Variants in WDR27 observed in about 807,000 individuals in gnomAD.
WDR27 encodes WD repeat domain 27.
WDR27 carries 100 observed loss-of-function variants against 114.4 expected under a neutral mutation model. That is an observed-to-expected ratio of 0.87 (90% CI 0.74 to 1.03). WDR27 has a LOEUF of 1.03. Ranked by LOEUF, WDR27 falls within the 50% of genes least tolerant of loss-of-function variation. The pLI, the probability that WDR27 is intolerant of heterozygous loss-of-function variation, is 0.00. For synonymous variants in WDR27, 449 were observed against 423.1 expected, an observed-to-expected ratio of 1.06 and a Z score of -0.75; for missense variants, 1,129 against 1,092.9, an observed-to-expected ratio of 1.03 and a Z score of -0.47.
intron 25 of WDR27, among the ~76,000 whole-genome samples, chr6:169,512,238 T>A (rs934909608): frequency 3.3e-5 from 5 of 152,186 alleles, no homozygotes; most frequent in African/African-American, 9.6e-5. Flanking sequence ...TACCTAGATG[T>A]CTTGGAAATG....
At position 169,701,843 on chromosome 6, in the gene WDR27, C is replaced by T. The variant is rs1294442818; in HGVS notation, c.-300G>A. 4.0e-5 allele frequency: 13 copies of T among 322,326 alleles called. No homozygotes were observed. Among genetic ancestry groups the T allele is most frequent in the Non-Finnish European group, 6.6e-5 (11 of 165,796 alleles). The allele number at this position is 322,326 out of a possible 1,614,324, so 20.0% of individuals were successfully genotyped here. A position where few individuals can be genotyped will look rare whatever the true frequency, so the allele number is the denominator to read the frequency against. On this transcript the variant is annotated 5_prime_UTR_variant, in exon 1 of 26. Coordinates refer to ENST00000448612, the MANE Select transcript of WDR27 (RefSeq NM_182552.5). The stretch of plus-strand genomic sequence containing the variant: ...GCAGCCCCCGCGCTCCAGCCCTGCG[C>T]CCTAGGCACACGCCCCAGAGCAGCA...
At chr6:169,699,698 C>A (rs900506350) in intron 1 of WDR27, among the ~76,000 whole-genome samples, 1 of 152,100 alleles carries the variant, frequency 6.6e-6, no homozygotes, top group Non-Finnish European at 1.5e-5. Context: ...CCTCAGCAAA[C>A]AAGCCAGGCA....
Position 169,602,232 on chromosome 6 carries a change from G to A in WDR27, c.2411C>T (p.Ala804Val), listed in dbSNP as rs1298955387. The A allele has an allele frequency of 1.9e-6, 3 of 1,556,884 alleles. No homozygotes were observed. The highest frequency in any genetic ancestry group is 2.6e-6 in the Non-Finnish European group (3 of 1,149,154). ...SPCGRFAACGAEDRHAYVYEM... is the reference protein window; with the variant it reads ...SPCGRFAACGVEDRHAYVYEM... ...AACAGTACATACGTGTCTGTCCTCGGCCCCACAAGCCGCGAATCGTCCACA... is the reference window on the plus strand; with the variant it reads ...AACAGTACATACGTGTCTGTCCTCGACCCCACAAGCCGCGAATCGTCCACA... Residue 804 changes from alanine to valine, a missense_variant, in exon 23 of 26, where the codon GCC becomes GTC. By Grantham distance (64) the Ala-to-Val change is moderately conservative (BLOSUM62 0). Transcript: ENST00000448612.
intron 5 of WDR27, among the ~76,000 whole-genome samples, chr6:169,667,776 G>C (rs1828273396): frequency 1.3e-5 from 2 of 152,224 alleles, no homozygotes; most frequent in South Asian, 4.1e-4. Context: ...GTCCTGTCAG[G>C]AATCCAAGCC....
intron 25 of WDR27, among the ~76,000 whole-genome samples, chr6:169,563,583 C>G (rs1333411092): frequency 6.6e-6 from 1 of 152,218 alleles, no homozygotes; most frequent in African/African-American, 2.4e-5. Flanking sequence ...CTGCGTGGAA[C>G]TGTGCTCACG....
At chr6:169,499,703 A>G (rs1790880637) in intron 25 of WDR27, among the ~76,000 whole-genome samples, 1 of 152,200 alleles carries the variant, frequency 6.6e-6, no homozygotes, top group Admixed American at 6.5e-5. Flanking sequence ...AACACAGGAG[A>G]AGGCACTGCC....
intron 23 of WDR27, among the ~76,000 whole-genome samples, chr6:169,601,773 C>T (rs1025079931): frequency 6.6e-6 from 1 of 152,332 alleles, no homozygotes. Context: ...CCCAAATCCA[C>T]CATGAGGCGC....
At chr6:169,663,433 T>C (rs1203020918) in intron 8 of WDR27, 1 of 151,398 alleles carries the variant, frequency 6.6e-6, no homozygotes, top group Admixed American at 6.6e-5. Flanking sequence ...CAGAGATGAT[T>C]TCTGTAATAT....
At chr6:169,446,621 G>A in the WDR27 span, among the ~76,000 whole-genome samples, 9 of 152,126 alleles carry the variant, frequency 5.9e-5, no homozygotes, top group Middle Eastern at 3.2e-3. Context: ...CAAAGCAGGA[G>A]GAAAGATCTT....
intron 25 of WDR27, among the ~76,000 whole-genome samples, chr6:169,567,821 G>A (rs1439667719): frequency 6.6e-6 from 1 of 152,096 alleles, no homozygotes; most frequent in Non-Finnish European, 1.5e-5. Context: ...ACACCAACTT[G>A]GAAGCTGCAA....
the WDR27 span, among the ~76,000 whole-genome samples, chr6:169,444,703 C>T: frequency 5.3e-5 from 8 of 149,976 alleles, no homozygotes; most frequent in African/African-American, 2.0e-4. Flanking sequence ...TGTTTTGCAA[C>T]GGTTTAGATT....
chr6:169,577,522 G>A (rs1411308472), intron 24 of WDR27, among the ~76,000 whole-genome samples: 1 of 152,178 alleles, frequency 6.6e-6, no homozygotes, highest in African/African-American at 2.4e-5. Flanking sequence ...CGTGGAGGAC[G>A]GGCGGGGAGA....
intron 25 of WDR27, among the ~76,000 whole-genome samples, chr6:169,514,377 T>G (rs747690349): frequency 1.1e-4 from 17 of 150,404 alleles, no homozygotes; most frequent in Non-Finnish European, 1.8e-4. Flanking sequence ...TTTGCAAAAT[T>G]ATAGTGTTTT....
At chr6:169,482,275 C>G (rs1215958221) in intron 25 of WDR27, among the ~76,000 whole-genome samples, 3 of 152,136 alleles carry the variant, frequency 2.0e-5, no homozygotes, top group Non-Finnish European at 4.4e-5. Context: ...GCATGAGTCT[C>G]TATAATAGAA....
intron 25 of WDR27, among the ~76,000 whole-genome samples, chr6:169,531,432 G>A (rs1224882401): frequency 6.6e-6 from 1 of 152,148 alleles, no homozygotes; most frequent in African/African-American, 2.4e-5. Context: ...GAAACATTTG[G>A]ATAAGAGAAA....
At chr6:169,450,306 C>T in the WDR27 span, among the ~76,000 whole-genome samples, 2 of 152,212 alleles carry the variant, frequency 1.3e-5, no homozygotes, top group Non-Finnish European at 2.9e-5. Flanking sequence ...CCTCTGCAGA[C>T]TCGCGGGAAT....
intron 23 of WDR27, among the ~76,000 whole-genome samples, chr6:169,598,355 C>A (rs1017521592): frequency 6.6e-6 from 1 of 152,212 alleles, no homozygotes; most frequent in South Asian, 2.1e-4. Context: ...GGTCAAAGAG[C>A]CAGAATCTGG....
chr6:169,433,168 G>T, the WDR27 span, among the ~76,000 whole-genome samples: 1 of 152,128 alleles, frequency 6.6e-6, no homozygotes, highest in East Asian at 1.9e-4. Context: ...GTGCCATGGT[G>T]GTTTGCTGCA....
chr6:169,630,405 G>A (rs539231154), intron 21 of WDR27, among the ~76,000 whole-genome samples: 13 of 152,230 alleles, frequency 8.5e-5, no homozygotes, highest in African/African-American at 3.1e-4. Context: ...TTCCAGGTAC[G>A]ACCAAGATCA....
Sources: gnomAD v4.1 joint callset for allele counts (sites outside exome capture counted in the v4.1 genomes callset) on GRCh38, gnomAD v4.1.1 for gene constraint, MANE v1.5 for transcripts, NCBI Gene and HGNC (gene_info 2026-07-23, HGNC 2026-07-21) for gene names.